Variants in CSMD1 observed in about 807,000 individuals in gnomAD.
The protein encoded by CSMD1 is CUB and Sushi multiple domains 1.
A neutral mutation model predicts 417.5 loss-of-function variants in CSMD1; 213 were observed. That is an observed-to-expected ratio of 0.51 (90% CI 0.46 to 0.57). The LOEUF (loss-of-function observed/expected upper bound fraction) is 0.57. CSMD1 is among the 20% of genes least tolerant of loss of function. The pLI is 0.00. For missense variants in CSMD1, 6,923 were observed against 4,529.7 expected (o/e 1.53, Z -15.17); for synonymous variants, 2,862 against 1,736.8 (o/e 1.65, Z -16.11).
intron 12 of CSMD1, among the ~76,000 whole-genome samples, chr8:3,417,654 AAGAG>A (rs149932101): frequency 0.063 from 9,548 of 152,284 alleles, 341 homozygotes; most frequent in East Asian, 0.16. Flanking sequence ...ATTTTCGCTG[AAGAG>A]AGAGTGAGTA....
At chr8:4,901,283 A>C (rs953868195) in intron 1 of CSMD1, among the ~76,000 whole-genome samples, 3 of 152,158 alleles carry the variant, frequency 2.0e-5, no homozygotes, top group Non-Finnish European at 4.4e-5. Flanking sequence ...TACATTGTTA[A>C]GTTTGTGATA....
chr8:3,706,692 G>T (rs73185339), intron 7 of CSMD1, among the ~76,000 whole-genome samples: 1 of 152,048 alleles, frequency 6.6e-6, no homozygotes, highest in African/African-American at 2.4e-5. Context: ...TTGATTTAAT[G>T]TAAGAGTTTG....
At chr8:3,059,855 G>A (rs976635680) in intron 49 of CSMD1, among the ~76,000 whole-genome samples, 16 of 152,110 alleles carry the variant, frequency 1.1e-4, no homozygotes, top group African/African-American at 3.4e-4. Context: ...CAGTTGGATA[G>A]ACTGAGATGC....
chr8:3,289,248 C>A (rs938340878), intron 25 of CSMD1, among the ~76,000 whole-genome samples: 3 of 147,142 alleles, frequency 2.0e-5, no homozygotes. Context: ...TAGGTTGGTT[C>A]CACGTCTTTG....
At chr8:4,476,668 G>A (rs924161991) in intron 2 of CSMD1, among the ~76,000 whole-genome samples, 4 of 152,066 alleles carry the variant, frequency 2.6e-5, no homozygotes, top group Non-Finnish European at 1.5e-5. Flanking sequence ...CCAAGGCTGT[G>A]GACTCCCAGG....
intron 42 of CSMD1, among the ~76,000 whole-genome samples, chr8:3,114,975 A>G (rs1246226442): frequency 6.6e-6 from 1 of 152,198 alleles, no homozygotes; most frequent in African/African-American, 2.4e-5. Flanking sequence ...ATACTAATGC[A>G]TTTAAGTCAA....
chr8:4,131,716 A>G, intron 3 of CSMD1, among the ~76,000 whole-genome samples: 1 of 150,602 alleles, frequency 6.6e-6, no homozygotes, highest in Non-Finnish European at 1.5e-5. Context: ...TATCAGAACA[A>G]TGCAGTTGTT....
chr8:3,192,187 G>A (rs1384727999), intron 33 of CSMD1, among the ~76,000 whole-genome samples: 2 of 152,154 alleles, frequency 1.3e-5, no homozygotes, highest in South Asian at 2.1e-4. Context: ...TAACAGCACT[G>A]ATGTGGAAAA....
chr8:3,456,891 C>T (rs1216557676), intron 12 of CSMD1, among the ~76,000 whole-genome samples: 1 of 152,054 alleles, frequency 6.6e-6, no homozygotes, highest in Non-Finnish European at 1.5e-5. Context: ...ACTGCACTAT[C>T]CTGCCCCCCT....
chr8:3,032,597 C>A (rs1810413617), intron 50 of CSMD1, among the ~76,000 whole-genome samples: 1 of 152,016 alleles, frequency 6.6e-6, no homozygotes, highest in Admixed American at 6.6e-5. Flanking sequence ...TTACAACCCC[C>A]AAACACCTAC....
chr8:4,792,320 C>CTTAAAGTAGT (rs1233347218), intron 1 of CSMD1, among the ~76,000 whole-genome samples: 1 of 152,144 alleles, frequency 6.6e-6, no homozygotes, highest in African/African-American at 2.4e-5. Context: ...TTCTAAAATT[C>CTTAAAGTAGT]TTAAAGTAGT....
chr8:4,764,242 AG>A (rs1697731927), intron 1 of CSMD1, among the ~76,000 whole-genome samples: 2 of 152,228 alleles, frequency 1.3e-5, no homozygotes, highest in Non-Finnish European at 2.9e-5. Flanking sequence ...CGTATTGTAC[AG>A]AGATTAGGGA....
intron 1 of CSMD1, among the ~76,000 whole-genome samples, chr8:4,724,441 A>G (rs1809276806): frequency 6.6e-6 from 1 of 152,004 alleles, no homozygotes; most frequent in African/African-American, 2.4e-5. Context: ...TAACAGATTC[A>G]AATATAATAT....
chr8:4,248,419 G>C lies in CSMD1; in HGVS notation c.415+171534C>G, dbSNP rs1367461621. 4.6e-5 allele frequency among the ~76,000 whole-genome samples: 7 copies of C among 152,160 alleles called. 1 individual carries two copies. In the South Asian group the frequency reaches 6.2e-4, roughly 13 times the overall value. ...CTATCATGGCGCTTATAAAAGAAGA[G>C]AGCCCGTCCACTTGAACATAAGATC... On this transcript the variant is annotated intron_variant, in intron 3 of 69. Coordinates refer to ENST00000635120, the MANE Select transcript of CSMD1 (RefSeq NM_033225.6).
At chr8:3,666,102 G>A (rs967809563) in intron 7 of CSMD1, among the ~76,000 whole-genome samples, 1 of 152,114 alleles carries the variant, frequency 6.6e-6, no homozygotes, top group African/African-American at 2.4e-5. Context: ...CACCATGTTG[G>A]CCAGGCTGGT....
At chr8:4,870,700 C>T (rs749489942) in intron 1 of CSMD1, among the ~76,000 whole-genome samples, 9 of 152,132 alleles carry the variant, frequency 5.9e-5, no homozygotes, top group Non-Finnish European at 1.2e-4. Context: ...GAAGATGTCA[C>T]GGGACAAAGC....
intron 26 of CSMD1, among the ~76,000 whole-genome samples, chr8:3,246,171 C>T (rs997902551): frequency 1.3e-5 from 2 of 152,066 alleles, no homozygotes; most frequent in African/African-American, 4.8e-5. Context: ...ATCACTCTAG[C>T]TCCACACCTG....
At chr8:3,353,769 T>G (rs1196373565) in intron 21 of CSMD1, among the ~76,000 whole-genome samples, 1 of 152,236 alleles carries the variant, frequency 6.6e-6, no homozygotes, top group Non-Finnish European at 1.5e-5. Context: ...ATGAACACAG[T>G]TTCTTAATAC....
Position 3,724,276 on chromosome 8 carries a change from C to T in CSMD1, c.932-15785G>A, listed in dbSNP as rs1351110728. Among the ~76,000 whole-genome samples the T allele has an allele frequency of 1.1e-4, 17 of 151,846 alleles. 1 individual carries two copies. Among genetic ancestry groups the T allele is most frequent in the East Asian group, 3.9e-4 (2 of 5,178 alleles). On this transcript the variant is annotated intron_variant, in intron 6 of 69. Coordinates refer to ENST00000635120, the MANE Select transcript of CSMD1 (RefSeq NM_033225.6). The stretch of plus-strand genomic sequence containing the variant: ...GGTTAGTTACATATGTATACATGTG[C>T]CATGCTGGTGTGCCGCACCCACTAA...
Sources: gnomAD v4.1 joint callset for allele counts (sites outside exome capture counted in the v4.1 genomes callset) on GRCh38, gnomAD v4.1.1 for gene constraint, MANE v1.5 for transcripts, NCBI Gene and HGNC (gene_info 2026-07-23, HGNC 2026-07-21) for gene names.